The following DNAJC5B variants were observed in gnomAD, a reference collection of about 807,000 sequenced individuals.
DNAJC5B encodes the protein dnaJ homolog subfamily C member 5B.
A neutral mutation model predicts 24.7 loss-of-function variants in DNAJC5B; 23 were observed. That is an observed-to-expected ratio of 0.93 (90% CI 0.67 to 1.32). The LOEUF is 1.32. Ranked by LOEUF, DNAJC5B falls within the 40% of genes most tolerant of loss-of-function variation. The pLI is 0.00. For missense variants in DNAJC5B, 238 were observed against 240.8 expected, an observed-to-expected ratio of 0.99 and a Z score of 0.08; for synonymous variants, 101 against 90.1, an observed-to-expected ratio of 1.12 and a Z score of -0.68.
intron 1 of DNAJC5B, among the ~76,000 whole-genome samples, chr8:66,026,155 A>G (rs1806238825): frequency 7.0e-6 from 1 of 141,894 alleles, no homozygotes; most frequent in Admixed American, 7.0e-5. Flanking sequence ...TATAAGTTGG[A>G]TTCCTAGGTA....
chr8:66,079,677 C>A (rs1466310024), intron 4 of DNAJC5B, among the ~76,000 whole-genome samples: 1 of 152,162 alleles, frequency 6.6e-6, no homozygotes, highest in African/African-American at 2.4e-5. Flanking sequence ...ATCTCAGAGG[C>A]AGGAGCGCCA....
At chr8:66,053,852 C>G (rs546323693) in intron 3 of DNAJC5B, among the ~76,000 whole-genome samples, 2 of 152,074 alleles carry the variant, frequency 1.3e-5, no homozygotes, top group African/African-American at 4.8e-5. Flanking sequence ...TGGTCTCTAA[C>G]TCCCGACCTT....
chr8:66,035,732 C>A (rs150966527), intron 1 of DNAJC5B, among the ~76,000 whole-genome samples: 191 of 152,290 alleles, frequency 1.3e-3, no homozygotes, highest in African/African-American at 4.5e-3. Context: ...TTAAGCCATG[C>A]GGTTTGTGGT....
chr8:66,053,232 A>G (rs901049996), intron 3 of DNAJC5B, among the ~76,000 whole-genome samples: 3 of 152,224 alleles, frequency 2.0e-5, no homozygotes, highest in Non-Finnish European at 4.4e-5. Flanking sequence ...TTCACATTGA[A>G]GTCTAAATTT....
At chr8:66,055,897 C>T (rs1015982831) in intron 3 of DNAJC5B, among the ~76,000 whole-genome samples, 2 of 152,034 alleles carry the variant, frequency 1.3e-5, no homozygotes, top group African/African-American at 4.8e-5. Flanking sequence ...AGCCGAGAGC[C>T]GAGATCATGC....
At chr8:66,092,890 G>A (rs375686079) in intron 5 of DNAJC5B, among the ~76,000 whole-genome samples, 20 of 152,248 alleles carry the variant, frequency 1.3e-4, no homozygotes, top group South Asian at 8.3e-4. Context: ...GTGTGACGCT[G>A]AAGTGTGGGG....
At chr8:66,050,564 T>C (rs746063116) in intron 2 of DNAJC5B, among the ~76,000 whole-genome samples, 5 of 152,204 alleles carry the variant, frequency 3.3e-5, no homozygotes, top group Non-Finnish European at 7.3e-5. Context: ...GGATTCTAAT[T>C]GGTCTGGCTT....
At chr8:66,079,528 G>A (rs1807544627) in intron 4 of DNAJC5B, among the ~76,000 whole-genome samples, 1 of 152,200 alleles carries the variant, frequency 6.6e-6, no homozygotes, top group Admixed American at 6.5e-5. Flanking sequence ...AGGTGACTGG[G>A]GAACTGGGAG....
At chr8:66,087,023 T>C (rs1050871279) in intron 5 of DNAJC5B, among the ~76,000 whole-genome samples, 1 of 152,194 alleles carries the variant, frequency 6.6e-6, no homozygotes, top group African/African-American at 2.4e-5. Context: ...AATACATTTA[T>C]GATTTGAATT....
upstream of DNAJC5B, among the ~76,000 whole-genome samples, chr8:66,016,723 G>A (rs1014522469): frequency 7.2e-5 from 11 of 152,198 alleles, no homozygotes; most frequent in South Asian, 6.2e-4. Flanking sequence ...TGTACTTGGC[G>A]TGGTCTGTAT....
At chr8:66,021,846 A>T (rs1381154669) in intron 1 of DNAJC5B, 141 bp downstream of exon 1, 1 of 152,224 alleles carries the variant, frequency 6.6e-6, no homozygotes, top group Non-Finnish European at 1.5e-5. Context: ...CTTGCCATGA[A>T]GCCGGACGGT....
intron 2 of DNAJC5B, among the ~76,000 whole-genome samples, chr8:66,048,421 T>C (rs1376334908): frequency 1.3e-5 from 2 of 152,192 alleles, no homozygotes; most frequent in Non-Finnish European, 2.9e-5. Flanking sequence ...CCTCTCCCTA[T>C]GAAACGGTTT....
intron 3 of DNAJC5B, among the ~76,000 whole-genome samples, chr8:66,062,278 A>C (rs1300880564): frequency 6.6e-6 from 1 of 152,252 alleles, no homozygotes; most frequent in Non-Finnish European, 1.5e-5. Context: ...TTTGCTGAAC[A>C]GGGAGTTATT....
At chr8:66,046,136 C>T (rs1415819546) in intron 2 of DNAJC5B, among the ~76,000 whole-genome samples, 1 of 152,136 alleles carries the variant, frequency 6.6e-6, no homozygotes, top group African/African-American at 2.4e-5. Flanking sequence ...GACCCAGAGA[C>T]CAGGAATCTT....
chr8:66,074,328 A>G (rs1244517041), intron 3 of DNAJC5B, among the ~76,000 whole-genome samples: 1 of 152,188 alleles, frequency 6.6e-6, no homozygotes, highest in Admixed American at 6.5e-5. Context: ...GAATGGAGCA[A>G]AACATTGTAA....
At chr8:66,049,283 C>T (rs914351369) in intron 2 of DNAJC5B, among the ~76,000 whole-genome samples, 1 of 152,232 alleles carries the variant, frequency 6.6e-6, no homozygotes, top group African/African-American at 2.4e-5. Context: ...AAACCTACTG[C>T]ATTGCCTGTT....
intron 5 of DNAJC5B, among the ~76,000 whole-genome samples, chr8:66,083,731 A>G (rs1304614844): frequency 6.6e-6 from 1 of 152,226 alleles, no homozygotes; most frequent in Admixed American, 6.5e-5. Flanking sequence ...GGGCTACAAT[A>G]ATTAACAAAC....
chr8:66,073,890 G>A (rs567663369), intron 3 of DNAJC5B, among the ~76,000 whole-genome samples: 2 of 152,248 alleles, frequency 1.3e-5, no homozygotes, highest in South Asian at 4.1e-4. Context: ...GTTATAGAGA[G>A]TTTATAGAAC....
upstream of DNAJC5B, among the ~76,000 whole-genome samples, chr8:66,018,794 T>C (rs957757706): frequency 6.6e-6 from 1 of 152,052 alleles, no homozygotes; most frequent in Non-Finnish European, 1.5e-5. Flanking sequence ...AGAACACAAT[T>C]TGAGAAATTC....
Sources: allele counts gnomAD v4.1 joint callset (sites outside exome capture counted in the v4.1 genomes callset), GRCh38; gene constraint gnomAD v4.1.1; transcripts MANE v1.5; gene names NCBI Gene and HGNC (gene_info 2026-07-23, HGNC 2026-07-21).